Variants in ITGA9 observed in about 807,000 individuals in gnomAD.
The protein encoded by ITGA9 is integrin subunit alpha 9, also known as integrin alpha-9.
Under a neutral mutation model 127.8 loss-of-function variants are expected in ITGA9, and 56 were observed. The observed-to-expected ratio is 0.44, with a 90% confidence interval of 0.35 to 0.55. ITGA9 has a LOEUF of 0.55. Among genes scored for constraint, ITGA9 ranks in the 20% least tolerant of loss-of-function variants. The pLI is 0.00. For synonymous variants in ITGA9, 508 were observed against 514.5 expected (o/e 0.99, Z 0.17); for missense variants, 1,196 against 1,347.1 (o/e 0.89, Z 1.76).
chr3:37,614,941 A>C (rs1700059456), intron 15 of ITGA9, among the ~76,000 whole-genome samples: 1 of 152,130 alleles, frequency 6.6e-6, no homozygotes, highest in African/African-American at 2.4e-5. Flanking sequence ...TCTTTTCCTA[A>C]TTGAATACCC....
intron 15 of ITGA9, among the ~76,000 whole-genome samples, chr3:37,611,166 T>C (rs1194213936): frequency 6.6e-6 from 1 of 152,202 alleles, no homozygotes; most frequent in African/African-American, 2.4e-5. Context: ...ACCAGTGCCT[T>C]CCTATTGGCT....
At chr3:37,708,811 AC>A (rs1701043063) in intron 18 of ITGA9, among the ~76,000 whole-genome samples, 1 of 152,114 alleles carries the variant, frequency 6.6e-6, no homozygotes, top group African/African-American at 2.4e-5. Flanking sequence ...CCATTTCCGT[AC>A]TCTTCAGCAC....
intron 15 of ITGA9, among the ~76,000 whole-genome samples, chr3:37,628,296 G>A (rs1700196622): frequency 6.6e-6 from 1 of 152,136 alleles, no homozygotes; most frequent in South Asian, 2.1e-4. Flanking sequence ...GTCTCAGAAT[G>A]TGGGACCACC....
chr3:37,785,087 G>T lies in ITGA9; in HGVS notation c.2889+9G>T. 1 of 1,593,268 alleles carries T rather than the reference G, an allele frequency of 6.3e-7. No individual in the cohort carries two copies. Among genetic ancestry groups the T allele is most frequent in the Non-Finnish European group, 8.6e-7 (1 of 1,160,962 alleles). On this transcript the variant is annotated intron_variant, in intron 26 of 27. Transcript: ENST00000264741. ...ACCCAGAAGAGGTGACGGTGAGTCA[G>T]CCACCCCAGGACAGCCCTCCTCAGA...
chr3:37,646,410 T>C (rs1444118786), intron 16 of ITGA9, among the ~76,000 whole-genome samples: 1 of 152,228 alleles, frequency 6.6e-6, no homozygotes, highest in Non-Finnish European at 1.5e-5. Flanking sequence ...GACAACTGTA[T>C]TCTCCAGGGA....
chr3:37,563,512 C>T (rs1195722169), intron 15 of ITGA9, among the ~76,000 whole-genome samples: 1 of 152,208 alleles, frequency 6.6e-6, no homozygotes, highest in African/African-American at 2.4e-5. Flanking sequence ...TGGATAATCC[C>T]ACCTCCCCAT....
At chr3:37,515,328 A>T (rs1453839377) in intron 9 of ITGA9, among the ~76,000 whole-genome samples, 1 of 152,248 alleles carries the variant, frequency 6.6e-6, no homozygotes, top group Non-Finnish European at 1.5e-5. Flanking sequence ...AGTGGCTGAG[A>T]TGCTAGGTAT....
chr3:37,804,860 G>A (rs980137541), intron 27 of ITGA9, among the ~76,000 whole-genome samples: 1 of 152,164 alleles, frequency 6.6e-6, no homozygotes, highest in Admixed American at 6.5e-5. Flanking sequence ...AAAAAAAGTT[G>A]TAAAACACCA....
At chr3:37,454,588 G>A (rs920402249) in intron 1 of ITGA9, among the ~76,000 whole-genome samples, 3 of 152,164 alleles carry the variant, frequency 2.0e-5, no homozygotes, top group Admixed American at 2.0e-4. Context: ...CTCTTGTTCT[G>A]ATACAAGCTG....
intron 20 of ITGA9, 119 bp from the exon 21 acceptor site, chr3:37,741,611 A>T: frequency 1.3e-6 from 1 of 774,958 alleles, no homozygotes; most frequent in South Asian, 1.5e-5. Flanking sequence ...ACTGAAGGCA[A>T]TGAGGTGCCA....
intron 18 of ITGA9, among the ~76,000 whole-genome samples, chr3:37,688,884 G>A (rs900151668): frequency 1.3e-5 from 2 of 151,988 alleles, no homozygotes; most frequent in Non-Finnish European, 2.9e-5. Flanking sequence ...GGGTGACTGG[G>A]TGGATGAGTG....
intron 18 of ITGA9, among the ~76,000 whole-genome samples, chr3:37,709,235 C>T (rs1284173252): frequency 6.6e-6 from 1 of 152,128 alleles, no homozygotes; most frequent in South Asian, 2.1e-4. Context: ...TTCTTCTTTC[C>T]CTGATACAGT....
At chr3:37,673,646 T>C (rs1700657368) in intron 17 of ITGA9, among the ~76,000 whole-genome samples, 2 of 152,196 alleles carry the variant, frequency 1.3e-5, no homozygotes, top group Admixed American at 1.3e-4. Flanking sequence ...CCTTGTTTGC[T>C]CTTCTGGTTC....
intron 3 of ITGA9, among the ~76,000 whole-genome samples, chr3:37,476,253 GAAACCTCCATACTA>G (rs1698492993): frequency 1.3e-5 from 2 of 152,142 alleles, no homozygotes; most frequent in Non-Finnish European, 2.9e-5. Context: ...TAATTTTTAA[GAAACCTCCATACTA>G]TTTTCCCAAA....
Position 37,546,794 on chromosome 3 carries a change from A to G in ITGA9, c.1689+4209A>G, listed in dbSNP as rs560942567. On this transcript the variant is annotated intron_variant, in intron 15 of 27. Coordinates refer to ENST00000264741, the MANE Select transcript of ITGA9 (RefSeq NM_002207.3). ...GAAGTGATGGCTTGAGATGATGGAG[A>G]AGAGAATTTGGGATGCATGGTGTGT... Among the ~76,000 whole-genome samples, 24 of 152,154 alleles carry G rather than the reference A, an allele frequency of 1.6e-4. 1 individual carries two copies. Among genetic ancestry groups the G allele is most frequent in the Admixed American group, 1.6e-3 (24 of 15,294 alleles).
chr3:37,584,695 C>T (rs539673408), intron 15 of ITGA9, among the ~76,000 whole-genome samples: 16 of 152,120 alleles, frequency 1.1e-4, no homozygotes, highest in African/African-American at 3.1e-4. Flanking sequence ...ACGGAGGTTG[C>T]AGTGAGCCAA....
intron 23 of ITGA9, among the ~76,000 whole-genome samples, chr3:37,755,861 A>G (rs997144667): frequency 6.6e-6 from 1 of 152,160 alleles, no homozygotes; most frequent in Non-Finnish European, 1.5e-5. Context: ...GGTAAAATAA[A>G]TGTTTAAATA....
chr3:37,593,397 G>A (rs1291897656), intron 15 of ITGA9, among the ~76,000 whole-genome samples: 1 of 152,336 alleles, frequency 6.6e-6, no homozygotes, highest in East Asian at 1.9e-4. Context: ...ACAGAGGGCT[G>A]ACTATCCCAT....
chr3:37,629,565 C>A lies in ITGA9; in HGVS notation c.1839+229C>A. ...TAAACACTTTCAGACAATTCTCAGG[C>A]TGTTAGAAGTTACAATCCCCTCGAG... is the stretch of plus-strand genomic sequence containing the variant. On this transcript the variant is annotated intron_variant, in intron 16 of 27. Transcript: ENST00000264741. This position sits in a 1 kb window ranked among gnomAD's most constrained non-coding sequence, Gnocchi z 4.5. The A allele has an allele frequency of 1.6e-6, 1 of 630,410 alleles. No individual in the cohort carries two copies. Among genetic ancestry groups the A allele is most frequent in the Non-Finnish European group, 2.8e-6 (1 of 356,492 alleles). The allele number at this position is 630,410 out of a possible 1,614,324, so 39.1% of individuals were successfully genotyped here. A position where few individuals can be genotyped will look rare whatever the true frequency, so the allele number is the denominator to read the frequency against.
Sources: allele counts gnomAD v4.1 joint callset (sites outside exome capture counted in the v4.1 genomes callset), GRCh38; gene constraint gnomAD v4.1.1; non-coding constraint Gnocchi (gnomAD v3.1); transcripts MANE v1.5; gene names NCBI Gene and HGNC (gene_info 2026-07-23, HGNC 2026-07-21).